The following CMSS1 variants were observed in gnomAD, a reference collection of about 807,000 sequenced individuals.
The protein encoded by CMSS1 is protein CMSS1.
In CMSS1, 33 loss-of-function variants were observed where a neutral mutation model predicts 43.5. The ratio of observed to expected loss-of-function variants is 0.76; its 90% CI spans 0.57 to 1.01. The LOEUF is 1.01. Ranked by LOEUF, CMSS1 falls within the 50% of genes least tolerant of loss-of-function variation. The pLI, the probability that CMSS1 is intolerant of heterozygous loss-of-function variation, is 0.00. For missense variants in CMSS1, 313 were observed against 326.4 expected, an observed-to-expected ratio of 0.96 and a Z score of 0.32; for synonymous variants, 115 against 117.2, an observed-to-expected ratio of 0.98 and a Z score of 0.12.
chr3:99,976,912 T>C (rs1178492443), intron 1 of CMSS1, among the ~76,000 whole-genome samples: 1 of 152,168 alleles, frequency 6.6e-6, no homozygotes, highest in Non-Finnish European at 1.5e-5. Flanking sequence ...GAGTGCCTGA[T>C]GTAGGTCCAA....
At chr3:100,050,280 A>T (rs1479086855) in intron 1 of CMSS1, among the ~76,000 whole-genome samples, 1 of 152,162 alleles carries the variant, frequency 6.6e-6, no homozygotes. Flanking sequence ...AGTGATTTTT[A>T]AATGTGCCCT....
At chr3:99,918,128 G>T (rs995750368) in intron 1 of CMSS1, among the ~76,000 whole-genome samples, 1 of 151,816 alleles carries the variant, frequency 6.6e-6, no homozygotes, top group Non-Finnish European at 1.5e-5. Flanking sequence ...CAGGCGCGCG[G>T]CACCACGCCC....
intron 1 of CMSS1, chr3:99,830,736 A>G: frequency 2.6e-6 from 1 of 382,016 alleles, no homozygotes; most frequent in Non-Finnish European, 5.2e-6. Context: ...GTATCAGATC[A>G]AAGATCGTCA....
intron 1 of CMSS1, among the ~76,000 whole-genome samples, chr3:100,105,646 A>G (rs2107465923): frequency 6.6e-6 from 1 of 152,266 alleles, no homozygotes; most frequent in East Asian, 1.9e-4. Context: ...GGCTGAGGGA[A>G]GGTCATTAAT....
At chr3:100,112,633 T>C (rs1451460528) in intron 1 of CMSS1, among the ~76,000 whole-genome samples, 1 of 152,258 alleles carries the variant, frequency 6.6e-6, no homozygotes, top group Non-Finnish European at 1.5e-5. Context: ...TTTTCTTTGC[T>C]GCAGAACTTT....
chr3:100,065,769 C>G (rs999820603), intron 1 of CMSS1, among the ~76,000 whole-genome samples: 3 of 152,282 alleles, frequency 2.0e-5, no homozygotes, highest in Admixed American at 1.3e-4. Flanking sequence ...TATTCAGATT[C>G]AAGGTGGAGA....
rs1448218348 is a variant in CMSS1 at position 100,079,568 on chromosome 3, T to C, written c.65-67405T>C. On this transcript the variant is annotated intron_variant, in intron 1 of 9. Coordinates refer to ENST00000421999, the MANE Select transcript of CMSS1 (RefSeq NM_032359.4). ...AGTAGATTTTTTATTTTTGAATAGATACAGTCAGTGTCACTTTTGATTATT... is the reference window on the plus strand; with the variant it reads ...AGTAGATTTTTTATTTTTGAATAGACACAGTCAGTGTCACTTTTGATTATT... Among the ~76,000 whole-genome samples, 3 of 152,226 alleles carry C rather than the reference T, an allele frequency of 2.0e-5. No individual in the cohort carries two copies. In the East Asian group the frequency reaches 5.8e-4, roughly 29 times the overall value.
chr3:99,913,564 T>C (rs190163942), intron 1 of CMSS1, among the ~76,000 whole-genome samples: 1 of 152,176 alleles, frequency 6.6e-6, no homozygotes, highest in Non-Finnish European at 1.5e-5. Flanking sequence ...ATGAATTGCA[T>C]CTATAAAATT....
In CMSS1 at chr3:100,089,790, G is replaced by A. The variant is rs78048178; in HGVS notation, c.65-57183G>A. Among the ~76,000 whole-genome samples the A allele has an allele frequency of 5.5e-3, 835 of 152,266 alleles. 5 individuals carry two copies. Among genetic ancestry groups the A allele is most frequent in the African/African-American group, 0.017 (714 of 41,546 alleles). On this transcript the variant is annotated intron_variant, in intron 1 of 9. Coordinates refer to ENST00000421999, the MANE Select transcript of CMSS1 (RefSeq NM_032359.4). ...GGCTAATTGAGGAAGATTTAGTCAG[G>A]CTTTTTAAGTAGAATGTCATATTAG...
intron 1 of CMSS1, among the ~76,000 whole-genome samples, chr3:100,142,736 A>G (rs1026505740): frequency 2.6e-5 from 4 of 152,224 alleles, no homozygotes; most frequent in Admixed American, 2.6e-4. Flanking sequence ...TTTACCTCAA[A>G]GGATTTTTAT....
At chr3:99,929,792 A>T in intron 1 of CMSS1, 1 of 1,230,620 alleles carries the variant, frequency 8.1e-7, no homozygotes. Flanking sequence ...GTTACAGATC[A>T]TGCTCATCTG....
chr3:99,916,664 T>C (rs922851878), intron 1 of CMSS1, among the ~76,000 whole-genome samples: 4 of 152,172 alleles, frequency 2.6e-5, no homozygotes, highest in Admixed American at 1.3e-4. Context: ...CAAGATTAAA[T>C]GCTTTGCCCA....
chr3:99,857,453 C>G (rs1180852853), intron 1 of CMSS1, among the ~76,000 whole-genome samples: 1 of 152,216 alleles, frequency 6.6e-6, no homozygotes, highest in African/African-American at 2.4e-5. Flanking sequence ...TTGGCTTTAT[C>G]AACTCTGCTA....
At chr3:99,856,533 G>A (rs1264612978) in intron 1 of CMSS1, among the ~76,000 whole-genome samples, 1 of 152,182 alleles carries the variant, frequency 6.6e-6, no homozygotes, top group Non-Finnish European at 1.5e-5. Context: ...ACAAAAGTGA[G>A]GTAATTAAAT....
At chr3:100,116,284 C>G (rs1030653056) in intron 1 of CMSS1, among the ~76,000 whole-genome samples, 3 of 151,974 alleles carry the variant, frequency 2.0e-5, no homozygotes, top group African/African-American at 7.3e-5. Flanking sequence ...AAGAGCATTC[C>G]CTTCTCCTCA....
At chr3:100,051,389 G>A (rs1010374277) in intron 1 of CMSS1, 2 of 151,370 alleles carry the variant, frequency 1.3e-5, no homozygotes, top group African/African-American at 4.9e-5. Flanking sequence ...AAGTTTTAGG[G>A]TACATGTGCA....
rs953304910 is a variant in CMSS1 at position 99,848,901 on chromosome 3, C to T, written c.64+30858C>T. ...CAGTACTCGTGTAAGAGTGAGGACT[C>T]TCTGTGGTTGGACTTGTGATTTCAA... On this transcript the variant is annotated intron_variant, in intron 1 of 9. Coordinates refer to ENST00000421999, the MANE Select transcript of CMSS1 (RefSeq NM_032359.4). The T allele has an allele frequency of 6.8e-6, 11 of 1,614,020 alleles. No individual in the cohort carries two copies. The African/African-American group carries it at 1.3e-4, about 20-fold the overall frequency.
At chr3:99,995,305 C>T (rs1374371944) in intron 1 of CMSS1, among the ~76,000 whole-genome samples, 1 of 152,190 alleles carries the variant, frequency 6.6e-6, no homozygotes, top group African/African-American at 2.4e-5. Flanking sequence ...CCAAAATGAT[C>T]TCCTTTATCC....
intron 1 of CMSS1, among the ~76,000 whole-genome samples, chr3:100,035,675 T>G (rs2065095920): frequency 6.6e-6 from 1 of 152,216 alleles, no homozygotes; most frequent in Admixed American, 6.5e-5. Flanking sequence ...AGGCAGAAAC[T>G]TTTATCATTC....
Sources: allele counts gnomAD v4.1 joint callset (sites outside exome capture counted in the v4.1 genomes callset), GRCh38; gene constraint gnomAD v4.1.1; transcripts MANE v1.5; gene names NCBI Gene and HGNC (gene_info 2026-07-23, HGNC 2026-07-21).